Variants in SP100 observed in about 807,000 individuals in gnomAD.
The protein encoded by SP100 is nuclear autoantigen Sp-100.
A neutral mutation model predicts 130.0 loss-of-function variants in SP100; 84 were observed. The ratio of observed to expected loss-of-function variants is 0.65; its 90% CI spans 0.54 to 0.77. The LOEUF (loss-of-function observed/expected upper bound fraction) is 0.77, where lower values mean the gene tolerates loss of function less well. SP100 is among the 30% of genes least tolerant of loss of function. The pLI is 0.00. For missense variants in SP100, 978 were observed against 1,052.2 expected (o/e 0.93, Z 0.97); for synonymous variants, 331 against 351.7 (o/e 0.94, Z 0.66).
At chr2:230,506,049 T>G (rs1485496253) in intron 21 of SP100, among the ~76,000 whole-genome samples, 1 of 152,154 alleles carries the variant, frequency 6.6e-6, no homozygotes, top group Admixed American at 6.6e-5. Flanking sequence ...CAAAATACGT[T>G]GAAAAGGTAA....
chr2:230,516,838 C>A (rs1559531752), intron 24 of SP100, among the ~76,000 whole-genome samples: 2 of 152,078 alleles, frequency 1.3e-5, no homozygotes, highest in Admixed American at 6.6e-5. Flanking sequence ...ATTTTGATTA[C>A]CTGCAGCATT....
intron 2 of SP100, among the ~76,000 whole-genome samples, chr2:230,437,412 A>G (rs2063326043): frequency 6.6e-6 from 1 of 152,098 alleles, no homozygotes; most frequent in Non-Finnish European, 1.5e-5. Context: ...ATCTTAAGTA[A>G]TTTATTTTCT....
chr2:230,501,029 G>A (rs1415644526), intron 19 of SP100, among the ~76,000 whole-genome samples: 2 of 151,696 alleles, frequency 1.3e-5, no homozygotes, highest in Non-Finnish European at 2.9e-5. Context: ...GATTGCTTAA[G>A]CCCTGGATTT....
At chr2:230,417,746 G>T in intron 2 of SP100, 81 bp downstream of exon 2, 2 of 1,533,444 alleles carry the variant, frequency 1.3e-6, no homozygotes, top group South Asian at 1.3e-5. Flanking sequence ...CATGTTTCTT[G>T]GCCATTTAAA....
At chr2:230,439,397 C>T (rs192078718) in intron 2 of SP100, among the ~76,000 whole-genome samples, 6 of 152,202 alleles carry the variant, frequency 3.9e-5, no homozygotes, top group Admixed American at 2.0e-4. Flanking sequence ...GCAGTATGAT[C>T]ATTTTCACAA....
chr2:230,534,272 G>T (rs572124793), intron 24 of SP100, among the ~76,000 whole-genome samples: 1 of 152,314 alleles, frequency 6.6e-6, no homozygotes, highest in African/African-American at 2.4e-5. Flanking sequence ...CGGGCGTGGT[G>T]GTGGGCACCT....
chr2:230,423,780 G>A (rs2149861044), intron 2 of SP100, among the ~76,000 whole-genome samples: 1 of 152,276 alleles, frequency 6.6e-6, no homozygotes, highest in East Asian at 1.9e-4. Flanking sequence ...AAGTGTTTGG[G>A]AGTAGCTTTT....
chr2:230,542,773 G>C lies in SP100; in HGVS notation c.2548-63G>C, dbSNP rs1575825609. 4 of 932,582 alleles carry C rather than the reference G, an allele frequency of 4.3e-6. No individual in the cohort carries two copies. The East Asian group carries it at 1.0e-4, about 23-fold the overall frequency. 57.8% of individuals were successfully genotyped at this position (932,582 alleles called of 1,614,324 possible). A position where few individuals can be genotyped will look rare whatever the true frequency, so the allele number is the denominator to read the frequency against. On this transcript the variant is annotated intron_variant, in intron 28 of 28. Coordinates refer to ENST00000340126, the MANE Select transcript of SP100 (RefSeq NM_001080391.2). ...CCTAAAATGAGGCCCCAGATTATCT[G>C]CAACACTGGGTGTCTCAGCTCATTG...
intron 17 of SP100, among the ~76,000 whole-genome samples, chr2:230,484,103 A>T (rs2065956029): frequency 6.6e-6 from 1 of 152,220 alleles, no homozygotes; most frequent in Admixed American, 6.5e-5. Context: ...CTTGGGTGCC[A>T]CTTTATATAG....
intron 8 of SP100, 140 bp from the exon 9 acceptor site, chr2:230,461,120 CAG>C (rs1357825104): frequency 5.7e-6 from 4 of 704,178 alleles, no homozygotes; most frequent in Non-Finnish European, 9.5e-6. Context: ...AAGGAAGGGA[CAG>C]AGTTGAGCAA....
chr2:230,461,992 G>C (rs919499802), intron 9 of SP100, among the ~76,000 whole-genome samples: 1 of 151,168 alleles, frequency 6.6e-6, no homozygotes, highest in Non-Finnish European at 1.5e-5. Context: ...AAATAAAAAA[G>C]AGAGGAAGGC....
chr2:230,470,288 A>T, intron 15 of SP100, 190 bp downstream of exon 15: 2 of 1,319,232 alleles, frequency 1.5e-6, no homozygotes, highest in South Asian at 2.1e-5. Context: ...GTTTAACAGA[A>T]AGAGTTTCAC....
At chr2:230,459,357 C>T (rs2064460036) in intron 8 of SP100, among the ~76,000 whole-genome samples, 1 of 152,152 alleles carries the variant, frequency 6.6e-6, no homozygotes, top group Non-Finnish European at 1.5e-5. Context: ...GGAGAAAGAT[C>T]AGCTGCCCTC....
At position 230,462,395 on chromosome 2, in the gene SP100, ACAC is replaced by A. The variant is rs776563431; in HGVS notation, c.974-38_974-36del. The A allele has an allele frequency of 5.6e-5, 85 of 1,517,414 alleles. No individual in the cohort carries two copies. The African/African-American group carries it at 1.1e-3, about 20-fold the overall frequency. 94.0% of individuals were successfully genotyped at this position (1,517,414 alleles called of 1,614,324 possible). On this transcript the variant is annotated intron_variant, in intron 9 of 28. Coordinates refer to ENST00000340126, the MANE Select transcript of SP100 (RefSeq NM_001080391.2). ...TTCCTGGTGCATGGACTCCTTGGTC[ACAC>A]CCTGAGACTCTTAATGGTTTTTGCT...
rs185764007 is a variant in SP100 at position 230,496,310 on chromosome 2, G to A, written c.1645+1850G>A. Among the ~76,000 whole-genome samples, 188 of 152,260 alleles carry A rather than the reference G, an allele frequency of 1.2e-3. 1 individual carries two copies. The highest frequency in any genetic ancestry group is 4.2e-3 in the African/African-American group (173 of 41,548). On this transcript the variant is annotated intron_variant, in intron 18 of 28. Coordinates refer to ENST00000340126, the MANE Select transcript of SP100 (RefSeq NM_001080391.2). ...CCTAGAGCTATGCTAGTCCCTTTTA[G>A]CGGTAATATCTCATTTAATATTAAA...
intron 25 of SP100, 112 bp from the exon 26 acceptor site, chr2:230,540,764 G>C: frequency 1.5e-6 from 2 of 1,367,768 alleles, no homozygotes; most frequent in Non-Finnish European, 2.0e-6. Flanking sequence ...GAGAGAAGTT[G>C]GATACAAGGT....
At chr2:230,518,768 TAAGA>T (rs1559532486) in intron 24 of SP100, among the ~76,000 whole-genome samples, 1 of 152,186 alleles carries the variant, frequency 6.6e-6, no homozygotes, top group Non-Finnish European at 1.5e-5. Flanking sequence ...GATGTTCACT[TAAGA>T]AAGAATCTTA....
chr2:230,542,321 A>C (rs1263967795), intron 28 of SP100, among the ~76,000 whole-genome samples: 1 of 152,290 alleles, frequency 6.6e-6, no homozygotes, highest in South Asian at 2.1e-4. Flanking sequence ...CTGCAGACTC[A>C]TTTGTTTCTA....
At position 230,449,619 on chromosome 2, in the gene SP100, T is replaced by C; in HGVS notation, c.645T>C (p.Asn215=). 1.2e-6 allele frequency: 2 copies of C among 1,613,880 alleles called. No individual in the cohort carries two copies. The highest frequency in any genetic ancestry group is 1.7e-6 in the Non-Finnish European group (2 of 1,179,950). ...SEHPCETEQI[N]AKRKDTTSDK... ...ACCCCTGTGAAACAGAACAGATAAA[T>C]GCAAAGAGAAAAGATACAACCAGTG... The change falls in exon 7 of 29, where the codon AAT becomes AAC. Residue 215 remains asparagine, a synonymous_variant. Coordinates refer to ENST00000340126, the MANE Select transcript of SP100 (RefSeq NM_001080391.2).
Sources: gnomAD v4.1 joint callset for allele counts (sites outside exome capture counted in the v4.1 genomes callset) on GRCh38, gnomAD v4.1.1 for gene constraint, MANE v1.5 for transcripts, NCBI Gene and HGNC (gene_info 2026-07-23, HGNC 2026-07-21) for gene names.